The following GRIP1 variants were observed in gnomAD, a reference collection of about 807,000 sequenced individuals.
The protein encoded by GRIP1 is glutamate receptor interacting protein 1.
GRIP1 carries 45 observed loss-of-function variants against 129.9 expected under a neutral mutation model. The ratio of observed to expected loss-of-function variants is 0.35; its 90% CI spans 0.27 to 0.44. The LOEUF (loss-of-function observed/expected upper bound fraction) is 0.44. Among genes scored for constraint, GRIP1 ranks in the 20% least tolerant of loss-of-function variants. GRIP1 has a pLI of 1.00. For synonymous variants in GRIP1, 530 were observed against 520.8 expected (o/e 1.02, Z -0.24); for missense variants, 1,196 against 1,396.8 (o/e 0.86, Z 2.29).
intron 1 of GRIP1, among the ~76,000 whole-genome samples, chr12:67,055,299 T>A (rs1346400255): frequency 6.6e-6 from 1 of 151,774 alleles, no homozygotes; most frequent in Admixed American, 6.6e-5. Flanking sequence ...GCTCCTGGAG[T>A]GGGCCAGAGG....
chr12:66,521,906 A>G (rs1330503038), intron 5 of GRIP1, among the ~76,000 whole-genome samples: 2 of 152,198 alleles, frequency 1.3e-5, no homozygotes, highest in East Asian at 3.9e-4. Flanking sequence ...GCTGATTGCT[A>G]GCACAGCAGT....
chr12:66,945,095 A>C (rs2041646474), intron 1 of GRIP1, among the ~76,000 whole-genome samples: 1 of 152,022 alleles, frequency 6.6e-6, no homozygotes, highest in Admixed American at 6.5e-5. Flanking sequence ...GCCCAGCCTA[A>C]ATTATGCAGG....
At chr12:66,596,077 T>A (rs938948428) in intron 2 of GRIP1, among the ~76,000 whole-genome samples, 4 of 152,200 alleles carry the variant, frequency 2.6e-5, no homozygotes, top group African/African-American at 7.2e-5. Flanking sequence ...ATATAATACA[T>A]CATTTTACAT....
In GRIP1 at chr12:66,582,949, G is replaced by A. The variant is rs754259990; in HGVS notation, c.136+13898C>T. On this transcript the variant is annotated intron_variant, in intron 2 of 24. Coordinates refer to ENST00000359742, the MANE Select transcript of GRIP1 (RefSeq NM_001366722.1). Reference sequence around the variant, plus strand: ...ACCAAAAAAGAGCCCGCATCGCCAAGTCAATCCTAAGCCAAAAGAACAAAG... The same window carrying A: ...ACCAAAAAAGAGCCCGCATCGCCAAATCAATCCTAAGCCAAAAGAACAAAG... 2.5e-3 allele frequency among the ~76,000 whole-genome samples: 371 copies of A among 150,842 alleles called. 1 individual carries two copies. The highest frequency in any genetic ancestry group is 4.3e-3 in the Non-Finnish European group (292 of 67,486).
intron 1 of GRIP1, among the ~76,000 whole-genome samples, chr12:66,686,975 T>C (rs974137237): frequency 2.6e-5 from 4 of 152,138 alleles, no homozygotes; most frequent in African/African-American, 9.6e-5. Flanking sequence ...GGTGGGAGGA[T>C]TGCTTGAGCC....
chr12:66,798,106 C>G (rs767647257), intron 1 of GRIP1, among the ~76,000 whole-genome samples: 2 of 152,092 alleles, frequency 1.3e-5, no homozygotes, highest in Non-Finnish European at 2.9e-5. Flanking sequence ...CTACATCATG[C>G]AAACAGAAAG....
chr12:66,797,461 T>C (rs1566027492), intron 1 of GRIP1, among the ~76,000 whole-genome samples: 1 of 152,098 alleles, frequency 6.6e-6, no homozygotes, highest in Non-Finnish European at 1.5e-5. Context: ...TAGAACCCCA[T>C]TTTACAAATA....
At chr12:66,570,753 T>C (rs1246187042) in intron 2 of GRIP1, among the ~76,000 whole-genome samples, 1 of 152,184 alleles carries the variant, frequency 6.6e-6, no homozygotes, top group Admixed American at 6.5e-5. Context: ...CGAAAAATGA[T>C]ATTTTTGTAT....
chr12:66,743,229 T>C (rs1165284052), intron 1 of GRIP1, among the ~76,000 whole-genome samples: 1 of 152,162 alleles, frequency 6.6e-6, no homozygotes, highest in Non-Finnish European at 1.5e-5. Context: ...GGAATGATTA[T>C]AGCTGTAGGT....
intron 1 of GRIP1, among the ~76,000 whole-genome samples, chr12:66,880,107 A>C (rs1016337803): frequency 3.3e-5 from 5 of 152,158 alleles, no homozygotes; most frequent in Admixed American, 6.5e-5. Flanking sequence ...GTACAAGACC[A>C]GATAGCTTGA....
intron 2 of GRIP1, among the ~76,000 whole-genome samples, chr12:66,543,178 G>A (rs1213217571): frequency 2.0e-5 from 3 of 152,008 alleles, no homozygotes; most frequent in East Asian, 1.9e-4. Context: ...GGCTGGGGAC[G>A]GCAGGCTACT....
At chr12:67,052,617 G>A (rs1449096711) in intron 1 of GRIP1, among the ~76,000 whole-genome samples, 13 of 152,080 alleles carry the variant, frequency 8.5e-5, no homozygotes, top group African/African-American at 2.7e-4. Flanking sequence ...AAAATTAGCC[G>A]GGTGTGGTGG....
At chr12:66,899,345 C>CTG (rs34977070) in intron 1 of GRIP1, among the ~76,000 whole-genome samples, 58,251 of 151,626 alleles carry the variant, frequency 0.38, 12,280 homozygotes, top group East Asian at 0.67. Flanking sequence ...TGGAAAGAAA[C>CTG]TGTTCCTGTC....
At chr12:66,544,159 G>A (rs924675709) in intron 2 of GRIP1, among the ~76,000 whole-genome samples, 2 of 152,040 alleles carry the variant, frequency 1.3e-5, no homozygotes, top group Non-Finnish European at 2.9e-5. Flanking sequence ...TAAATTCATC[G>A]ATCTGGCTAC....
intron 1 of GRIP1, among the ~76,000 whole-genome samples, chr12:66,624,408 G>A (rs1335196048): frequency 5.9e-5 from 9 of 152,020 alleles, no homozygotes; most frequent in Non-Finnish European, 1.2e-4. Context: ...CCTAAAGAGA[G>A]AAAAAAATTA....
intron 1 of GRIP1, among the ~76,000 whole-genome samples, chr12:66,814,589 T>TAAAAAAAAA (rs79461500): frequency 1.8e-5 from 2 of 108,422 alleles, no homozygotes; most frequent in African/African-American, 3.5e-5. Context: ...AGTGATACCA[T>TAAAAAAAAA]AAAAAAAAAA....
chr12:66,997,162 A>T (rs1381649836), intron 1 of GRIP1, among the ~76,000 whole-genome samples: 1 of 152,214 alleles, frequency 6.6e-6, no homozygotes, highest in Non-Finnish European at 1.5e-5. Flanking sequence ...ACATTTCTCT[A>T]AGAATTTAAT....
chr12:66,577,776 T>C (rs2139570215), intron 2 of GRIP1, among the ~76,000 whole-genome samples: 1 of 152,132 alleles, frequency 6.6e-6, no homozygotes, highest in South Asian at 2.1e-4. Context: ...ATGGCAAGAT[T>C]GTGTACCTAC....
intron 7 of GRIP1, among the ~76,000 whole-genome samples, chr12:66,496,991 TTTGGAG>T (rs1565800264): frequency 6.6e-6 from 1 of 152,192 alleles, no homozygotes; most frequent in East Asian, 1.9e-4. Flanking sequence ...TACTACTACC[TTTGGAG>T]TTCTTCAGGG....
Sources: allele counts gnomAD v4.1 joint callset (sites outside exome capture counted in the v4.1 genomes callset), GRCh38; gene constraint gnomAD v4.1.1; transcripts MANE v1.5; gene names NCBI Gene and HGNC (gene_info 2026-07-23, HGNC 2026-07-21).